Variants in NRXN3 observed in about 807,000 individuals in gnomAD.
The protein encoded by NRXN3 is neurexin 3.
Under a neutral mutation model 137.6 loss-of-function variants are expected in NRXN3, and 32 were observed. The ratio of observed to expected loss-of-function variants is 0.23; its 90% confidence interval spans 0.18 to 0.31. The LOEUF is 0.31. Among genes scored for constraint, NRXN3 ranks in the 10% least tolerant of loss-of-function variants. The pLI, the probability that NRXN3 is intolerant of heterozygous loss-of-function variation, is 1.00. For missense variants in NRXN3, 1,574 were observed against 2,062.5 expected (o/e 0.76, Z 4.59); for synonymous variants, 798 against 784.5 (o/e 1.02, Z -0.29).
intron 6 of NRXN3, among the ~76,000 whole-genome samples, chr14:78,707,747 T>G (rs1174626876): frequency 6.6e-6 from 1 of 152,146 alleles, no homozygotes; most frequent in Non-Finnish European, 1.5e-5. Context: ...CATGTATCAT[T>G]CTTATGCCTT....
At chr14:78,187,981 T>C (rs1237594249) in intron 1 of NRXN3, among the ~76,000 whole-genome samples, 1 of 152,130 alleles carries the variant, frequency 6.6e-6, no homozygotes, top group Non-Finnish European at 1.5e-5. Flanking sequence ...TCTTTAACTT[T>C]TCTAAAATGA....
chr14:79,318,221 A>G (rs909233130), intron 15 of NRXN3, among the ~76,000 whole-genome samples: 1 of 152,270 alleles, frequency 6.6e-6, no homozygotes, highest in Admixed American at 6.5e-5. Context: ...ATGACAAAAT[A>G]AAAACATACA....
intron 4 of NRXN3, among the ~76,000 whole-genome samples, chr14:78,618,029 C>G (rs2097363672): frequency 6.6e-6 from 1 of 151,918 alleles, no homozygotes; most frequent in Admixed American, 6.6e-5. Context: ...ATCAATCAAT[C>G]ATTCTTATGT....
intron 4 of NRXN3, among the ~76,000 whole-genome samples, chr14:78,443,049 C>A (rs2094309144): frequency 6.6e-6 from 1 of 152,156 alleles, no homozygotes; most frequent in Non-Finnish European, 1.5e-5. Flanking sequence ...AACGCTAAAC[C>A]ATCTTTTGGT....
At chr14:78,576,552 C>T (rs1283813999) in intron 4 of NRXN3, among the ~76,000 whole-genome samples, 1 of 152,084 alleles carries the variant, frequency 6.6e-6, no homozygotes, top group Non-Finnish European at 1.5e-5. Context: ...GGATTTGATT[C>T]TTCTCCACTG....
At chr14:79,160,413 G>C (rs2060648859) in intron 15 of NRXN3, among the ~76,000 whole-genome samples, 1 of 151,854 alleles carries the variant, frequency 6.6e-6, no homozygotes, top group Non-Finnish European at 1.5e-5. Context: ...CATTAGTTTT[G>C]TTGCTTTATT....
At chr14:79,004,580 G>T (rs1435664706) in intron 15 of NRXN3, among the ~76,000 whole-genome samples, 4 of 152,152 alleles carry the variant, frequency 2.6e-5, no homozygotes, top group African/African-American at 4.8e-5. Flanking sequence ...AATATTTCAT[G>T]CTAAATAAGT....
chr14:79,171,168 G>C (rs1009393363), intron 15 of NRXN3, among the ~76,000 whole-genome samples: 1 of 152,036 alleles, frequency 6.6e-6, no homozygotes, highest in Admixed American at 6.6e-5. Flanking sequence ...CAGGATCCGT[G>C]TTTTAATTCT....
intron 4 of NRXN3, among the ~76,000 whole-genome samples, chr14:78,447,992 A>G (rs2094460243): frequency 6.6e-6 from 1 of 152,116 alleles, no homozygotes; most frequent in Non-Finnish European, 1.5e-5. Flanking sequence ...CCTTTTCCCC[A>G]TCCTGTGCCT....
At chr14:78,254,192 G>A (rs2069119623) in intron 2 of NRXN3, among the ~76,000 whole-genome samples, 1 of 152,132 alleles carries the variant, frequency 6.6e-6, no homozygotes, top group Non-Finnish European at 1.5e-5. Flanking sequence ...ATGTAAGCAG[G>A]TGACTCATAC....
chr14:79,101,805 A>G (rs1424442874), intron 15 of NRXN3, among the ~76,000 whole-genome samples: 2 of 152,172 alleles, frequency 1.3e-5, no homozygotes, highest in Admixed American at 6.5e-5. Flanking sequence ...GGAAGCTAAG[A>G]TGGGGCCATT....
intron 15 of NRXN3, among the ~76,000 whole-genome samples, chr14:79,112,162 A>G (rs1214146971): frequency 6.6e-6 from 1 of 152,178 alleles, no homozygotes; most frequent in Non-Finnish European, 1.5e-5. Flanking sequence ...CTTCCTACAC[A>G]TAACTATTAA....
intron 1 of NRXN3, among the ~76,000 whole-genome samples, chr14:78,195,323 G>A (rs149927334): frequency 4.1e-4 from 62 of 152,240 alleles, no homozygotes; most frequent in Admixed American, 1.7e-3. Context: ...TTGTTCATTC[G>A]TTCGTTCGTT....
intron 4 of NRXN3, among the ~76,000 whole-genome samples, chr14:78,632,841 GTGTT>G (rs2097533406): frequency 6.6e-6 from 1 of 152,108 alleles, no homozygotes; most frequent in East Asian, 1.9e-4. Flanking sequence ...TATTTACATC[GTGTT>G]TGTTTCATTG....
rs564697523 is a variant in NRXN3, at chr14:79,628,074, C to T, written c.3445-35704C>T. On this transcript the variant is annotated intron_variant, in intron 16 of 20. Transcript: ENST00000335750. ...AATAAAAAGATAAGTACTGAGATTC[C>T]GTTGACATAAAAGTAATTGAAAGTT... Among the ~76,000 whole-genome samples the T allele has an allele frequency of 3.9e-5, 6 of 152,128 alleles. No individual in the cohort carries two copies. The East Asian group carries it at 5.8e-4, about 15-fold the overall frequency.
chr14:78,758,636 G>T (rs2152969176), intron 8 of NRXN3, among the ~76,000 whole-genome samples: 2 of 152,320 alleles, frequency 1.3e-5, no homozygotes, highest in Middle Eastern at 6.8e-3. Context: ...CTTCAGGGCA[G>T]CTCCATCCGT....
At chr14:78,250,023 T>C in intron 2 of NRXN3, 1 of 491,584 alleles carries the variant, frequency 2.0e-6, no homozygotes, top group Non-Finnish European at 4.1e-6. Context: ...CTGTCTTAGG[T>C]GCTTTTCATG....
At chr14:78,474,038 T>A (rs1016617222) in intron 4 of NRXN3, among the ~76,000 whole-genome samples, 23 of 152,132 alleles carry the variant, frequency 1.5e-4, no homozygotes, top group African/African-American at 5.6e-4. Context: ...AACAAGGGCA[T>A]GAATATCAGG....
chr14:78,951,728 C>T (rs2099387478), intron 10 of NRXN3, among the ~76,000 whole-genome samples: 1 of 152,132 alleles, frequency 6.6e-6, no homozygotes, highest in Non-Finnish European at 1.5e-5. Context: ...CAATGAGGAT[C>T]AGAATGAGCA....
Sources: gnomAD v4.1 joint callset for allele counts (sites outside exome capture counted in the v4.1 genomes callset) on GRCh38, gnomAD v4.1.1 for gene constraint, MANE v1.5 for transcripts, NCBI Gene and HGNC (gene_info 2026-07-23, HGNC 2026-07-21) for gene names.